The following MAPK10 variants were observed in gnomAD, a reference collection of about 807,000 sequenced individuals.
The protein encoded by MAPK10 is JNK3 alpha protein kinase.
Under a neutral mutation model 59.3 loss-of-function variants are expected in MAPK10, and 25 were observed. The observed-to-expected ratio is 0.42, with a 90% CI of 0.31 to 0.59. The LOEUF is 0.59. Ranked by LOEUF, MAPK10 falls within the 20% of genes least tolerant of loss-of-function variation. The probability of loss-of-function intolerance (pLI) is 0.15; values close to 1 mark genes in which losing one functional copy is unlikely to be tolerated. For missense variants in MAPK10, 351 were observed against 568.9 expected (o/e 0.62, Z 3.90); for synonymous variants, 190 against 200.5 (o/e 0.95, Z 0.44).
At chr4:86,425,858 C>A (rs979803011) in intron 1 of MAPK10, among the ~76,000 whole-genome samples, 2 of 152,148 alleles carry the variant, frequency 1.3e-5, no homozygotes, top group Admixed American at 1.3e-4. Flanking sequence ...GTAATCCCAG[C>A]TACTCAGGAG....
rs142164064 is a variant in MAPK10, at chr4:86,278,944, A to G, written c.-7+75586T>C. Among the ~76,000 whole-genome samples the G allele has an allele frequency of 5.8e-3, 883 of 152,306 alleles. 8 individuals carry two copies. Among genetic ancestry groups the G allele is most frequent in the African/African-American group, 0.02 (831 of 41,584 alleles). On this transcript the variant is annotated intron_variant, in intron 2 of 13. Transcript: ENST00000641462. ...TAAACACAATGTGGGATTCTGGATC[A>G]AATCTTGAAAGAGAGAGAGGACATT...
chr4:86,331,239 C>T (rs995485774), intron 2 of MAPK10, among the ~76,000 whole-genome samples: 2 of 152,040 alleles, frequency 1.3e-5, no homozygotes, highest in African/African-American at 4.8e-5. Flanking sequence ...CAGACTCTCA[C>T]CAAACCATAA....
At chr4:86,158,748 A>G (rs1001104900) in intron 4 of MAPK10, among the ~76,000 whole-genome samples, 3 of 151,936 alleles carry the variant, frequency 2.0e-5, no homozygotes, top group Non-Finnish European at 2.9e-5. Flanking sequence ...TTAATTAGCT[A>G]CTCAAAAATG....
intron 1 of MAPK10, among the ~76,000 whole-genome samples, chr4:86,584,214 G>A (rs888328249): frequency 3.3e-5 from 5 of 152,132 alleles, no homozygotes; most frequent in Admixed American, 6.5e-5. Flanking sequence ...CCCAGCTCTA[G>A]CTCTTTGGTA....
At chr4:86,363,106 A>G (rs1341049830), upstream of MAPK10, among the ~76,000 whole-genome samples, 1 of 152,208 alleles carries the variant, frequency 6.6e-6, no homozygotes, top group Non-Finnish European at 1.5e-5. Flanking sequence ...CATGGGTTCC[A>G]CATCTGTAGA....
At chr4:86,589,734 T>C (rs1762891242) in intron 1 of MAPK10, among the ~76,000 whole-genome samples, 2 of 151,472 alleles carry the variant, frequency 1.3e-5, no homozygotes, top group Non-Finnish European at 2.9e-5. Context: ...ATTTTACTTC[T>C]AGAAGCTAAA....
chr4:86,147,162 C>T (rs1412504329), intron 4 of MAPK10, among the ~76,000 whole-genome samples: 1 of 151,948 alleles, frequency 6.6e-6, no homozygotes, highest in African/African-American at 2.4e-5. Flanking sequence ...TCATGGCTCA[C>T]TGCAACCTCC....
intron 3 of MAPK10, among the ~76,000 whole-genome samples, chr4:86,181,926 G>T (rs1286152782): frequency 6.6e-6 from 1 of 152,002 alleles, no homozygotes; most frequent in South Asian, 2.1e-4. Flanking sequence ...GTTCCAAAAA[G>T]AACACTTTCA....
chr4:86,033,113 C>T (rs1480651448), intron 11 of MAPK10, among the ~76,000 whole-genome samples: 2 of 152,202 alleles, frequency 1.3e-5, no homozygotes, highest in East Asian at 3.9e-4. Flanking sequence ...AAAGGACTCT[C>T]AAATAATAGA....
intron 2 of MAPK10, among the ~76,000 whole-genome samples, chr4:86,198,096 G>A (rs2081795420): frequency 6.6e-6 from 1 of 152,104 alleles, no homozygotes. Flanking sequence ...AATTCTCTAT[G>A]GCCCTCTCAT....
At chr4:86,448,214 T>C (rs76336169) in intron 1 of MAPK10, among the ~76,000 whole-genome samples, 1 of 152,188 alleles carries the variant, frequency 6.6e-6, no homozygotes, top group Non-Finnish European at 1.5e-5. Flanking sequence ...TTCCTTTTCA[T>C]TAATATACTA....
chr4:86,544,588 G>C (rs6847139), intron 1 of MAPK10, among the ~76,000 whole-genome samples: 1 of 151,912 alleles, frequency 6.6e-6, no homozygotes, highest in Non-Finnish European at 1.5e-5. Flanking sequence ...CACCAAAATC[G>C]GTGAGCAATA....
intron 1 of MAPK10, among the ~76,000 whole-genome samples, chr4:86,539,968 G>A (rs1758545790): frequency 6.6e-6 from 1 of 152,174 alleles, no homozygotes; most frequent in Admixed American, 6.5e-5. Flanking sequence ...TATCTTGGTA[G>A]TAGAAAACAT....
chr4:86,539,814 AG>A (rs1483857701), intron 1 of MAPK10, among the ~76,000 whole-genome samples: 1 of 152,228 alleles, frequency 6.6e-6, no homozygotes, highest in Non-Finnish European at 1.5e-5. Context: ...ATAGAATAAG[AG>A]GCATATAGAA....
intron 1 of MAPK10, among the ~76,000 whole-genome samples, chr4:86,445,092 T>A (rs1749880218): frequency 6.6e-6 from 1 of 152,166 alleles, no homozygotes; most frequent in Non-Finnish European, 1.5e-5. Context: ...GGAATATAAA[T>A]CATTCAGTTA....
intron 3 of MAPK10, among the ~76,000 whole-genome samples, chr4:86,173,784 G>C (rs182939586): frequency 1.3e-5 from 2 of 151,972 alleles, no homozygotes; most frequent in East Asian, 3.9e-4. Flanking sequence ...AAATTTACAA[G>C]GAAAAAACAA....
chr4:86,160,315 T>C (rs2069162728), intron 3 of MAPK10: 1 of 151,992 alleles, frequency 6.6e-6, no homozygotes, highest in Non-Finnish European at 1.5e-5. Context: ...ATTCTATAGC[T>C]AGAAGGGACC....
At chr4:86,245,588 C>A (rs1171680680) in intron 2 of MAPK10, among the ~76,000 whole-genome samples, 1 of 152,138 alleles carries the variant, frequency 6.6e-6, no homozygotes, top group Non-Finnish European at 1.5e-5. Context: ...CCTGTCTTGG[C>A]CCCACAAAGC....
At chr4:86,137,327 A>G (rs2062456151) in intron 4 of MAPK10, among the ~76,000 whole-genome samples, 1 of 150,210 alleles carries the variant, frequency 6.7e-6, no homozygotes, top group Admixed American at 6.6e-5. Context: ...AAATTATAAC[A>G]AACTATCTCT....
Sources: gnomAD v4.1 joint callset for allele counts (sites outside exome capture counted in the v4.1 genomes callset) on GRCh38, gnomAD v4.1.1 for gene constraint, MANE v1.5 for transcripts, NCBI Gene and HGNC (gene_info 2026-07-23, HGNC 2026-07-21) for gene names.